CDCA2: variants seen among roughly 807,000 people sequenced by gnomAD.
CDCA2 encodes the protein cell division cycle-associated protein 2.
Under a neutral mutation model 67.0 loss-of-function variants are expected in CDCA2, and 44 were observed. The observed-to-expected ratio is 0.66, with a 90% CI of 0.52 to 0.84. The LOEUF (loss-of-function observed/expected upper bound fraction) is 0.84, where lower values mean the gene tolerates loss of function less well. CDCA2 is among the 40% of genes least tolerant of loss of function. CDCA2 has a pLI of 0.00. For synonymous variants in CDCA2, 447 were observed against 418.7 expected (o/e 1.07, Z -0.82); for missense variants, 1,253 against 1,203.2 (o/e 1.04, Z -0.61).
In CDCA2 at chr8:25,485,770, A is replaced by T. The variant is rs759755101; in HGVS notation, c.1377A>T (p.Glu459Asp). 1 of 1,603,822 alleles carries T rather than the reference A, an allele frequency of 6.2e-7. No individual in the cohort carries two copies. Among genetic ancestry groups the T allele is most frequent in the Admixed American group, 1.7e-5 (1 of 58,686 alleles). The change falls in exon 11 of 15, where the codon GAA (glutamate) becomes GAT (aspartate). Residue 459 changes from glutamate (E) to aspartate (D), a missense_variant. By Grantham distance (45) the Glu-to-Asp change is conservative. Transcript: ENST00000330560. ...DDKGENLENIEPLQVSFAVLS... is the reference protein window; with the variant it reads ...DDKGENLENIDPLQVSFAVLS... ...TTTCCTTTGTTTAGGAAAACATAGAACCACTTCAAGTATCATTTGCCGTTC... is the reference window on the plus strand; with the variant it reads ...TTTCCTTTGTTTAGGAAAACATAGATCCACTTCAAGTATCATTTGCCGTTC...
chr8:25,471,886 A>T (rs1487389437), intron 7 of CDCA2, among the ~76,000 whole-genome samples: 1 of 152,204 alleles, frequency 6.6e-6, no homozygotes, highest in African/African-American at 2.4e-5. Flanking sequence ...GGAAGAATAG[A>T]TCTACCATAG....
At chr8:25,500,542 T>C (rs1234340301) in intron 13 of CDCA2, among the ~76,000 whole-genome samples, 1 of 152,168 alleles carries the variant, frequency 6.6e-6, no homozygotes, top group African/African-American at 2.4e-5. Context: ...AGGGTCACTC[T>C]GTTGCCCAGG....
intron 13 of CDCA2, among the ~76,000 whole-genome samples, chr8:25,501,494 C>T (rs1339086858): frequency 6.6e-6 from 1 of 152,236 alleles, no homozygotes; most frequent in Non-Finnish European, 1.5e-5. Flanking sequence ...CATGGATCCA[C>T]GGGCCGGGCC....
rs1259716088 is a variant in CDCA2, at chr8:25,466,208, T to A, written c.421T>A (p.Leu141Ile). The A allele has an allele frequency of 3.1e-6, 5 of 1,611,366 alleles. No homozygotes were observed. Among genetic ancestry groups the A allele is most frequent in the African/African-American group, 2.7e-5 (2 of 74,740 alleles). Residue 141 changes from leucine (L) to isoleucine (I), a missense_variant, in exon 5 of 15, where the codon TTA becomes ATA. Physicochemically the swap from Leu to Ile is conservative, Grantham distance 5. Transcript: ENST00000330560. ...TGCACTGTATCGAAATGTTAACACT[T>A]TAAGAGAACGAATATCAGCCTTCCA... ...SPALYRNVNT[L>I]RERISAFQSA...
chr8:25,470,027 C>G, intron 7 of CDCA2, 47 bp downstream of exon 7: 1 of 1,297,204 alleles, frequency 7.7e-7, no homozygotes. Context: ...GATTCATAGA[C>G]ATTTATGATT....
chr8:25,462,231 G>C, intron 4 of CDCA2, 23 bp downstream of exon 4: 2 of 1,610,394 alleles, frequency 1.2e-6, no homozygotes, highest in Non-Finnish European at 1.7e-6. Flanking sequence ...TCTAAGTTCT[G>C]TCGTGAATTC....
chr8:25,487,228 T>A lies in CDCA2; in HGVS notation c.1445-18T>A. ...TTTTGGTTTCCTACCCTGATTTAGCTTTTGTCTTGTTTATCAGGCACTGAT... is the reference window on the plus strand; with the variant it reads ...TTTTGGTTTCCTACCCTGATTTAGCATTTGTCTTGTTTATCAGGCACTGAT... On this transcript the variant is annotated intron_variant, in intron 11 of 14. Coordinates refer to ENST00000330560, the MANE Select transcript of CDCA2 (RefSeq NM_152562.4). The A allele has an allele frequency of 1.3e-6, 2 of 1,568,264 alleles. No individual in the cohort carries two copies. Among genetic ancestry groups the A allele is most frequent in the Non-Finnish European group, 1.8e-6 (2 of 1,139,590 alleles).
At position 25,506,951 on chromosome 8, in the gene CDCA2, A is replaced by C; in HGVS notation, c.2285A>C (p.Lys762Thr). Residue 762 changes from lysine (K) to threonine (T), a missense_variant, in exon 15 of 15, where the codon AAG (lysine) becomes ACG (threonine). Coordinates refer to ENST00000330560, the MANE Select transcript of CDCA2 (RefSeq NM_152562.4). ...FFKISPDLNI[K>T]CERKDDFLGA... The stretch of plus-strand genomic sequence containing the variant: ...AAAATTTCACCAGATTTAAACATAA[A>C]GTGTGAAAGAAAGGATGACTTCTTA... The C allele has an allele frequency of 1.9e-5, 30 of 1,613,890 alleles. No individual in the cohort carries two copies. The highest frequency in any genetic ancestry group is 2.4e-5 in the Non-Finnish European group (28 of 1,179,916).
intron 13 of CDCA2, 21 bp downstream of exon 13, chr8:25,488,710 A>G (rs763004666): frequency 8.9e-6 from 14 of 1,567,646 alleles, no homozygotes; most frequent in Non-Finnish European, 5.2e-6. Context: ...GTTTAAAGAT[A>G]TAATAAAGAG....
chr8:25,507,344 G>A lies in CDCA2; in HGVS notation c.2678G>A (p.Ser893Asn). Residue 893 changes from serine to asparagine, a missense_variant, in exon 15 of 15, where the codon AGC becomes AAC. Physicochemically the swap from Ser to Asn is conservative, Grantham distance 46. Transcript: ENST00000330560. Reference sequence around the variant, plus strand: ...AATAGTGAAACCAAAGTGCGACGTAGCACGAGGCTACAGAAGGATTTAGAA... The same window carrying A: ...AATAGTGAAACCAAAGTGCGACGTAACACGAGGCTACAGAAGGATTTAGAA... ...RRNSETKVRR[S>N]TRLQKDLENE... The A allele has an allele frequency of 6.2e-7, 1 of 1,613,810 alleles. No homozygotes were observed. The highest frequency in any genetic ancestry group is 8.5e-7 in the Non-Finnish European group (1 of 1,179,970).
intron 13 of CDCA2, among the ~76,000 whole-genome samples, chr8:25,497,034 T>C (rs1563281424): frequency 6.6e-6 from 1 of 151,568 alleles, no homozygotes; most frequent in Non-Finnish European, 1.5e-5. Context: ...AGCAAAATTT[T>C]GGGGAGCTGG....
Position 25,505,820 on chromosome 8 carries a change from C to T in CDCA2, c.1844-690C>T, listed in dbSNP as rs919552836. Among the ~76,000 whole-genome samples, 48 of 152,226 alleles carry T rather than the reference C, an allele frequency of 3.2e-4. 1 individual carries two copies. Among genetic ancestry groups the T allele is most frequent in the Admixed American group, 2.9e-3 (45 of 15,296 alleles). On this transcript the variant is annotated intron_variant, in intron 14 of 14. Transcript: ENST00000330560. ...CTCATAAAGCCTGAACTCATGTGGG[C>T]TGTGTTACTTACCAATCTGATGATG... is the stretch of plus-strand genomic sequence containing the variant.
chr8:25,463,512 A>G (rs893412530), intron 4 of CDCA2, among the ~76,000 whole-genome samples: 2 of 152,194 alleles, frequency 1.3e-5, no homozygotes, highest in African/African-American at 2.4e-5. Flanking sequence ...ACAATACATA[A>G]TACTTGATAG....
chr8:25,470,019 T>C (rs775581196), intron 7 of CDCA2, 39 bp downstream of exon 7: 23 of 1,344,156 alleles, frequency 1.7e-5, no homozygotes, highest in Non-Finnish European at 2.4e-5. Context: ...AGTTGCCCGA[T>C]TCATAGACAT....
At chr8:25,492,336 T>C (rs1804043776) in intron 13 of CDCA2, among the ~76,000 whole-genome samples, 1 of 152,090 alleles carries the variant, frequency 6.6e-6, no homozygotes, top group Non-Finnish European at 1.5e-5. Context: ...ACACAACGGA[T>C]CTAACAATAC....
chr8:25,497,748 A>G (rs1385809239), intron 13 of CDCA2, among the ~76,000 whole-genome samples: 1 of 152,132 alleles, frequency 6.6e-6, no homozygotes, highest in Non-Finnish European at 1.5e-5. Flanking sequence ...GAAGTGGTGG[A>G]TATGTTAGTT....
chr8:25,481,057 T>C (rs1197192103), intron 8 of CDCA2, among the ~76,000 whole-genome samples: 1 of 152,186 alleles, frequency 6.6e-6, no homozygotes, highest in Non-Finnish European at 1.5e-5. Context: ...AGGAACTAAA[T>C]TACCTTCTAT....
intron 13 of CDCA2, among the ~76,000 whole-genome samples, chr8:25,502,626 C>T (rs1804522634): frequency 6.6e-6 from 1 of 151,992 alleles, no homozygotes; most frequent in African/African-American, 2.4e-5. Context: ...CCTGTTTCTT[C>T]ATCCGGACCT....
intron 4 of CDCA2, 41 bp downstream of exon 4, chr8:25,462,249 G>T (rs1302210820): frequency 6.3e-7 from 1 of 1,598,646 alleles, no homozygotes; most frequent in Non-Finnish European, 8.6e-7. Context: ...TTCCGTTAAT[G>T]AAGCTTTTGT....
Sources: allele counts gnomAD v4.1 joint callset (sites outside exome capture counted in the v4.1 genomes callset), GRCh38; gene constraint gnomAD v4.1.1; transcripts MANE v1.5; gene names NCBI Gene and HGNC (gene_info 2026-07-23, HGNC 2026-07-21).